Variants in FOXN3 observed in about 807,000 individuals in gnomAD.
The protein encoded by FOXN3 is forkhead box N3, also known as forkhead box protein N3.
Under a neutral mutation model 38.4 loss-of-function variants are expected in FOXN3, and 7 were observed. That is an observed-to-expected ratio of 0.18 (90% confidence interval 0.10 to 0.34). FOXN3 has a LOEUF of 0.34. Ranked by LOEUF, FOXN3 falls within the 10% of genes least tolerant of loss-of-function variation. The pLI, the probability that FOXN3 is intolerant of heterozygous loss-of-function variation, is 1.00. For synonymous variants in FOXN3, 230 were observed against 242.2 expected, an observed-to-expected ratio of 0.95 and a Z score of 0.47; for missense variants, 456 against 613.4, an observed-to-expected ratio of 0.74 and a Z score of 2.71.
chr14:89,244,678 A>G (rs774285222), intron 4 of FOXN3, among the ~76,000 whole-genome samples: 1 of 152,254 alleles, frequency 6.6e-6, no homozygotes, highest in Non-Finnish European at 1.5e-5. Flanking sequence ...CCCATACTTA[A>G]CTTGCTTAAG....
In FOXN3 at chr14:89,156,923, G is replaced by A. The variant is rs1468086794; in HGVS notation, c.*5491C>T. 1 of 152,468 alleles carries A rather than the reference G, an allele frequency of 6.6e-6. No homozygotes were observed. The highest frequency in any genetic ancestry group is 2.4e-5 in the African/African-American group (1 of 41,400). 9.4% of individuals were successfully genotyped at this position (152,468 alleles called of 1,614,324 possible). A position where few individuals can be genotyped will look rare whatever the true frequency, so the allele number is the denominator to read the frequency against. On this transcript the variant is annotated 3_prime_UTR_variant, in exon 6 of 6. Transcript: ENST00000557258. Reference sequence around the variant, plus strand: ...CTAAAAAAAAGGAGGAGAGGGGCTGGGGAACTCAGGCCACAGTCATGAAAG... The same window carrying A: ...CTAAAAAAAAGGAGGAGAGGGGCTGAGGAACTCAGGCCACAGTCATGAAAG...
At chr14:89,601,119 T>G (rs1461958105) in intron 1 of FOXN3, among the ~76,000 whole-genome samples, 1 of 152,194 alleles carries the variant, frequency 6.6e-6, no homozygotes, top group Non-Finnish European at 1.5e-5. Context: ...AGATGCTCAA[T>G]CAGATAAAAT....
intron 1 of FOXN3, among the ~76,000 whole-genome samples, chr14:89,555,115 T>C (rs1270678436): frequency 1.5e-5 from 1 of 67,092 alleles, no homozygotes; most frequent in East Asian, 2.9e-4. Flanking sequence ...CTTTCTTTTG[T>C]TAAAATAATG....
intron 1 of FOXN3, among the ~76,000 whole-genome samples, chr14:89,436,939 G>A (rs527414454): frequency 1.5e-4 from 23 of 152,272 alleles, no homozygotes; most frequent in African/African-American, 5.1e-4. Flanking sequence ...CTGAGGTCAG[G>A]AATTCGAGAC....
chr14:89,211,562 C>T (rs1468500911), intron 4 of FOXN3, among the ~76,000 whole-genome samples: 1 of 152,154 alleles, frequency 6.6e-6, no homozygotes, highest in Admixed American at 6.5e-5. Context: ...GTGGTCAGTC[C>T]ACAGGAAGAC....
chr14:89,520,219 G>T (rs1040003644), intron 1 of FOXN3, among the ~76,000 whole-genome samples: 4 of 149,446 alleles, frequency 2.7e-5, no homozygotes, highest in Non-Finnish European at 4.4e-5. Flanking sequence ...TCGCCATGTT[G>T]TCCAGACTGA....
At chr14:89,561,587 A>G (rs1895249527) in intron 1 of FOXN3, among the ~76,000 whole-genome samples, 1 of 152,238 alleles carries the variant, frequency 6.6e-6, no homozygotes, top group Non-Finnish European at 1.5e-5. Flanking sequence ...TGAAAAAGAC[A>G]TATGTACAAT....
intron 3 of FOXN3, among the ~76,000 whole-genome samples, chr14:89,341,419 A>G (rs972330121): frequency 6.4e-4 from 97 of 152,332 alleles, no homozygotes; most frequent in African/African-American, 2.2e-3. Flanking sequence ...ACAGTAACAC[A>G]TGGATGCCCC....
chr14:89,350,582 C>T (rs1237973222), intron 3 of FOXN3, 90 bp downstream of exon 3: 6 of 1,134,350 alleles, frequency 5.3e-6, no homozygotes, highest in East Asian at 5.6e-5. Flanking sequence ...TTTAAAATCT[C>T]GTACGGCCTA....
rs544344836 is a variant in FOXN3, at chr14:89,516,485, A to G, written c.-15+102543T>C. Among the ~76,000 whole-genome samples the G allele has an allele frequency of 3.3e-5, 5 of 152,264 alleles. No homozygotes were observed. The Middle Eastern group carries it at 0.01, about 311-fold the overall frequency. ...TTAAAATGCCATGAAGGACTCCAGA[A>G]AACACATGATATTTAGTGACTTCTC... is the stretch of plus-strand genomic sequence containing the variant. On this transcript the variant is annotated intron_variant, in intron 1 of 6. Transcript: ENST00000345097.
intron 3 of FOXN3, among the ~76,000 whole-genome samples, chr14:89,304,670 A>G (rs541455645): frequency 1.3e-5 from 2 of 152,224 alleles, no homozygotes; most frequent in East Asian, 1.9e-4. Context: ...CCCAAAACTA[A>G]GGATAAAGCA....
At chr14:89,254,699 T>G (rs1362058647) in intron 4 of FOXN3, among the ~76,000 whole-genome samples, 3 of 152,210 alleles carry the variant, frequency 2.0e-5, no homozygotes, top group African/African-American at 7.2e-5. Context: ...GCCATCAATC[T>G]GTGTCCTCTG....
chr14:89,330,997 T>C (rs950935771), intron 3 of FOXN3, among the ~76,000 whole-genome samples: 2 of 152,228 alleles, frequency 1.3e-5, no homozygotes, highest in Non-Finnish European at 2.9e-5. Flanking sequence ...TTGTTCTGTT[T>C]CCTCTTCTTC....
At chr14:89,317,119 G>T (rs925331225) in intron 3 of FOXN3, among the ~76,000 whole-genome samples, 26 of 152,170 alleles carry the variant, frequency 1.7e-4, no homozygotes, top group African/African-American at 6.3e-4. Context: ...TGACTTTAGT[G>T]GGTACCTAAT....
rs1887127566 is a variant in FOXN3, at chr14:89,162,459, C to T, written c.1362G>A (p.Arg454=). 1.9e-6 allele frequency: 3 copies of T among 1,592,894 alleles called. No homozygotes were observed. Among genetic ancestry groups the T allele is most frequent in the South Asian group, 2.3e-5 (2 of 88,686 alleles). ...TTTGCTCTTTCTGCCCCTTTGCCGT[C>T]CGATTGGTGATGTTATTCAAACAGG... ...IRSCLNNITN[R]TAKGQKEQKE... The change falls in exon 6 of 6, where the codon CGG becomes CGA. Residue 454 remains arginine, a synonymous_variant. Transcript: ENST00000557258. This position sits in a 1 kb window ranked among gnomAD's most constrained non-coding sequence, Gnocchi z 7.2.
At chr14:89,365,724 G>C (rs1321720918) in intron 2 of FOXN3, among the ~76,000 whole-genome samples, 1 of 152,096 alleles carries the variant, frequency 6.6e-6, no homozygotes, top group Non-Finnish European at 1.5e-5. Context: ...AAACACACAG[G>C]AAGCTAAAAA....
chr14:89,352,438 G>T (rs1327324350), intron 2 of FOXN3, among the ~76,000 whole-genome samples: 1 of 152,108 alleles, frequency 6.6e-6, no homozygotes, highest in African/African-American at 2.4e-5. Context: ...GGAGAGGTTT[G>T]GGGGGAAAGA....
intron 2 of FOXN3, among the ~76,000 whole-genome samples, chr14:89,363,945 A>AAAAT (rs1491150389): frequency 4.7e-5 from 3 of 64,516 alleles, no homozygotes; most frequent in Admixed American, 1.9e-4. Flanking sequence ...CCCTGTCTGT[A>AAAAT]AAATATATAT....
chr14:89,439,666 T>TC (rs1892338121), intron 1 of FOXN3, among the ~76,000 whole-genome samples: 1 of 151,214 alleles, frequency 6.6e-6, no homozygotes, highest in Non-Finnish European at 1.5e-5. Flanking sequence ...CCTTTTTTTT[T>TC]TTTTTTTGAG....
Sources: gnomAD v4.1 joint callset for allele counts (sites outside exome capture counted in the v4.1 genomes callset) on GRCh38, gnomAD v4.1.1 for gene constraint, Gnocchi (gnomAD v3.1) non-coding constraint, MANE v1.5 for transcripts, NCBI Gene and HGNC (gene_info 2026-07-23, HGNC 2026-07-21) for gene names.